Variants in AP3B1 observed in about 807,000 individuals in gnomAD.
AP3B1 encodes AP-3 complex subunit beta-1.
Under a neutral mutation model 132.5 loss-of-function variants are expected in AP3B1, and 61 were observed. That is an observed-to-expected ratio of 0.46 (90% CI 0.37 to 0.57). The LOEUF is 0.57. Among genes scored for constraint, AP3B1 ranks in the 20% least tolerant of loss-of-function variants. AP3B1 has a pLI of 0.00. For missense variants in AP3B1, 1,120 were observed against 1,289.4 expected (o/e 0.87, Z 2.01); for synonymous variants, 388 against 438.3 (o/e 0.89, Z 1.43).
At chr5:78,035,598 A>C (rs78513219) in intron 23 of AP3B1, among the ~76,000 whole-genome samples, 1,647 of 152,228 alleles carry the variant, frequency 0.011, 32 homozygotes, top group African/African-American at 0.037. Flanking sequence ...AGGAGTAAGC[A>C]TTACAAGAGA....
chr5:78,119,120 G>A (rs901792517), intron 17 of AP3B1, among the ~76,000 whole-genome samples: 4 of 152,216 alleles, frequency 2.6e-5, no homozygotes, highest in African/African-American at 7.2e-5. Context: ...CAGACCTTCA[G>A]CTGAGGGTCC....
intron 11 of AP3B1, among the ~76,000 whole-genome samples, chr5:78,174,507 C>T (rs923852627): frequency 7.2e-5 from 11 of 151,752 alleles, no homozygotes; most frequent in Non-Finnish European, 1.3e-4. Context: ...GCCTGGTTAT[C>T]ACCAGCGGAG....
chr5:78,273,378 G>A (rs980188891), intron 1 of AP3B1, among the ~76,000 whole-genome samples: 1 of 152,140 alleles, frequency 6.6e-6, no homozygotes, highest in Non-Finnish European at 1.5e-5. Flanking sequence ...TGTGGCCTGG[G>A]TGACAGAGTA....
intron 2 of AP3B1, among the ~76,000 whole-genome samples, chr5:78,249,579 CTTTTTTTTTTTTT>C (rs71301504): frequency 1.9e-5 from 2 of 105,074 alleles, no homozygotes; most frequent in Non-Finnish European, 3.8e-5. Flanking sequence ...TTTTCTTTTT[CTTTTTTTTTTTTT>C]TTTTTTTTTG....
Position 78,113,810 on chromosome 5 carries a change from C to A in AP3B1, c.2191G>T (p.Glu731Ter), listed in dbSNP as rs779750664. ...GTTCTTTTGTTTTCTAGGCCTGACT[C>A]CCGTCCACTCTCACTGTCCTGCTCA... is the stretch of plus-strand genomic sequence containing the variant. ...SSEQDSESGR[E>*]SGLENKRTAK... Residue 731 changes from glutamate to a stop codon, truncating the protein, a stop_gained, in exon 19 of 27, where the codon GAG becomes TAG. Coordinates refer to ENST00000255194, the MANE Select transcript of AP3B1 (RefSeq NM_003664.5). LOFTEE classifies it high-confidence loss of function. The A allele has an allele frequency of 8.1e-6, 13 of 1,614,038 alleles. No homozygotes were observed.
chr5:78,058,227 C>G (rs1036746438), intron 22 of AP3B1, among the ~76,000 whole-genome samples: 1 of 152,108 alleles, frequency 6.6e-6, no homozygotes. Context: ...ATAGGCCGGA[C>G]GCAGTGGCTC....
intron 6 of AP3B1, among the ~76,000 whole-genome samples, chr5:78,221,375 G>C (rs1411611486): frequency 6.6e-6 from 1 of 151,926 alleles, no homozygotes; most frequent in Non-Finnish European, 1.5e-5. Context: ...GAAGCAAAAG[G>C]AAACAACACG....
chr5:78,261,455 TTTG>T (rs1407149379), intron 2 of AP3B1, among the ~76,000 whole-genome samples: 1 of 152,054 alleles, frequency 6.6e-6, no homozygotes, highest in African/African-American at 2.4e-5. Context: ...TTGGTCGGTT[TTTG>T]TTGTTGTTGT....
chr5:78,054,220 G>A (rs1321034396), intron 22 of AP3B1, among the ~76,000 whole-genome samples: 1 of 152,162 alleles, frequency 6.6e-6, no homozygotes, highest in Non-Finnish European at 1.5e-5. Flanking sequence ...TATTAGAATT[G>A]AACAGATCAA....
At chr5:78,207,124 G>A (rs930326234) in intron 7 of AP3B1, among the ~76,000 whole-genome samples, 2 of 152,058 alleles carry the variant, frequency 1.3e-5, no homozygotes, top group African/African-American at 4.8e-5. Flanking sequence ...CAGGTGTGGT[G>A]GCAGGCACCT....
At chr5:78,089,137 A>G in intron 22 of AP3B1, 1 of 404,018 alleles carries the variant, frequency 2.5e-6, no homozygotes, top group Non-Finnish European at 4.6e-6. Context: ...GAACCTTTGT[A>G]TGTTACAGAT....
chr5:78,044,614 G>C (rs1370733084), intron 22 of AP3B1, among the ~76,000 whole-genome samples: 1 of 152,210 alleles, frequency 6.6e-6, no homozygotes, highest in Non-Finnish European at 1.5e-5. Flanking sequence ...AGTGGGACTA[G>C]AGCAGAACAG....
chr5:78,150,813 A>G (rs1753615776), intron 14 of AP3B1, among the ~76,000 whole-genome samples: 1 of 152,028 alleles, frequency 6.6e-6, no homozygotes. Flanking sequence ...CAAGAAGAGT[A>G]AAAAAAATTC....
At chr5:78,252,273 T>C (rs1161780761) in intron 2 of AP3B1, among the ~76,000 whole-genome samples, 1 of 152,044 alleles carries the variant, frequency 6.6e-6, no homozygotes, top group Non-Finnish European at 1.5e-5. Flanking sequence ...GTGGTGGCTA[T>C]GGGGCAAAAC....
intron 7 of AP3B1, among the ~76,000 whole-genome samples, chr5:78,201,500 G>A (rs972065672): frequency 6.6e-6 from 1 of 152,132 alleles, no homozygotes; most frequent in African/African-American, 2.4e-5. Flanking sequence ...TGCTAAAAAT[G>A]AACTACTAAT....
intron 1 of AP3B1, among the ~76,000 whole-genome samples, chr5:78,277,983 A>G (rs1748855980): frequency 6.6e-6 from 1 of 152,174 alleles, no homozygotes; most frequent in Non-Finnish European, 1.5e-5. Flanking sequence ...CTTGGTAGGC[A>G]GCAGGAAGTA....
chr5:78,179,704 G>T (rs1744289845), intron 8 of AP3B1, among the ~76,000 whole-genome samples: 1 of 151,966 alleles, frequency 6.6e-6, no homozygotes, highest in Non-Finnish European at 1.5e-5. Context: ...TCTATCTCCA[G>T]TACAAACTAC....
intron 15 of AP3B1, among the ~76,000 whole-genome samples, chr5:78,140,658 G>A (rs1753107472): frequency 6.6e-6 from 1 of 152,148 alleles, no homozygotes; most frequent in Admixed American, 6.6e-5. Context: ...TCACATGGGT[G>A]ATCAGGTTTC....
chr5:78,031,455 A>C (rs978582073), intron 24 of AP3B1, among the ~76,000 whole-genome samples: 1 of 152,212 alleles, frequency 6.6e-6, no homozygotes, highest in Non-Finnish European at 1.5e-5. Context: ...TCCTTCACAC[A>C]AACTCAAACC....
Sources: allele counts gnomAD v4.1 joint callset (sites outside exome capture counted in the v4.1 genomes callset), GRCh38; gene constraint gnomAD v4.1.1; transcripts MANE v1.5; gene names NCBI Gene and HGNC (gene_info 2026-07-23, HGNC 2026-07-21).